ATRNL1: variants seen among roughly 807,000 people sequenced by gnomAD.
ATRNL1 encodes attractin-like protein 1.
A neutral mutation model predicts 182.7 loss-of-function variants in ATRNL1; 95 were observed. The ratio of observed to expected loss-of-function variants is 0.52; its 90% CI spans 0.44 to 0.62. The LOEUF (loss-of-function observed/expected upper bound fraction) is 0.62, where lower values mean the gene tolerates loss of function less well. Among genes scored for constraint, ATRNL1 ranks in the 20% least tolerant of loss-of-function variants. The pLI is 0.00. For missense variants in ATRNL1, 1,471 were observed against 1,679.5 expected, an observed-to-expected ratio of 0.88 and a Z score of 2.17; for synonymous variants, 576 against 568.3, an observed-to-expected ratio of 1.01 and a Z score of -0.19.
At chr10:115,134,757 T>A (rs1845425056) in intron 5 of ATRNL1, among the ~76,000 whole-genome samples, 1 of 152,088 alleles carries the variant, frequency 6.6e-6, no homozygotes, top group South Asian at 2.1e-4. Flanking sequence ...GACCAATATC[T>A]CTGATGAACA....
intron 26 of ATRNL1, among the ~76,000 whole-genome samples, chr10:115,629,318 C>G (rs782047261): frequency 1.7e-4 from 26 of 152,142 alleles, no homozygotes; most frequent in Non-Finnish European, 2.8e-4. Context: ...GATAAATGCT[C>G]AGATTGAGTA....
intron 24 of ATRNL1, among the ~76,000 whole-genome samples, chr10:115,506,952 C>T (rs1019497861): frequency 6.6e-6 from 1 of 152,054 alleles, no homozygotes; most frequent in Non-Finnish European, 1.5e-5. Flanking sequence ...GACACAGCCT[C>T]AGGAAGTTTT....
chr10:115,472,881 A>G (rs1848368974), intron 24 of ATRNL1, among the ~76,000 whole-genome samples: 1 of 151,114 alleles, frequency 6.6e-6, no homozygotes, highest in African/African-American at 2.4e-5. Flanking sequence ...CCTATGTTGA[A>G]TAGAAGTAGT....
At chr10:115,865,839 C>T (rs1338422635) in intron 28 of ATRNL1, among the ~76,000 whole-genome samples, 1 of 152,154 alleles carries the variant, frequency 6.6e-6, no homozygotes, top group African/African-American at 2.4e-5. Context: ...ATCTTATGGA[C>T]ACTTCTGTGC....
intron 18 of ATRNL1, among the ~76,000 whole-genome samples, chr10:115,333,129 TGAGA>T (rs200667422): frequency 0.013 from 1,957 of 152,196 alleles, 34 homozygotes; most frequent in African/African-American, 0.044. Context: ...CCTCATGGAG[TGAGA>T]GAGAGCTCAG....
At chr10:115,108,269 C>G (rs1554866689) in intron 1 of ATRNL1, among the ~76,000 whole-genome samples, 1 of 152,188 alleles carries the variant, frequency 6.6e-6, no homozygotes, top group Admixed American at 6.5e-5. Context: ...CACCAGATAT[C>G]CTAGTGAAGT....
intron 26 of ATRNL1, among the ~76,000 whole-genome samples, chr10:115,672,686 TA>T (rs1164279250): frequency 1.3e-5 from 2 of 152,026 alleles, no homozygotes; most frequent in African/African-American, 4.8e-5. Flanking sequence ...TGCTTATTAC[TA>T]AAAAAAGATT....
In ATRNL1 at chr10:115,326,255, T is replaced by C. The variant is rs951557050; in HGVS notation, c.3038-8027T>C. Among the ~76,000 whole-genome samples the C allele has an allele frequency of 7.2e-5, 11 of 152,248 alleles. No individual in the cohort carries two copies. The East Asian group carries it at 2.1e-3, about 29-fold the overall frequency. ...GCAAAGTCTCAGGATACAAAATCAA[T>C]GTACAAAAATCACAAGCATTCTTAT... On this transcript the variant is annotated intron_variant, in intron 18 of 28. Coordinates refer to ENST00000355044, the MANE Select transcript of ATRNL1 (RefSeq NM_207303.4).
chr10:115,741,052 AACAATTGTCTCC>A (rs1948126009), intron 27 of ATRNL1, among the ~76,000 whole-genome samples: 1 of 152,202 alleles, frequency 6.6e-6, no homozygotes, highest in East Asian at 1.9e-4. Context: ...ATATACTATG[AACAATTGTCTCC>A]ACAAATATTG....
rs1267116509 is a variant in ATRNL1 at position 115,461,375 on chromosome 10, A to G, written c.3323-566A>G. 2.6e-5 allele frequency among the ~76,000 whole-genome samples: 4 copies of G among 152,116 alleles called. No individual in the cohort carries two copies. In the South Asian group the frequency reaches 8.3e-4, roughly 31 times the overall value. ...CCCAGAATTCCTTGTATCATTGTGA[A>G]TAAAGGTCATATCTGTAAAATGATG... On this transcript the variant is annotated intron_variant, in intron 21 of 28. Transcript: ENST00000355044.
chr10:115,614,115 A>G (rs1201023270), intron 26 of ATRNL1, among the ~76,000 whole-genome samples: 1 of 152,028 alleles, frequency 6.6e-6, no homozygotes. Context: ...GTGCATCACT[A>G]CATCATTTAA....
At chr10:115,122,997 C>T (rs782343417) in intron 3 of ATRNL1, among the ~76,000 whole-genome samples, 10 of 152,184 alleles carry the variant, frequency 6.6e-5, no homozygotes, top group Middle Eastern at 3.4e-3. Flanking sequence ...CGTTGACTGA[C>T]CATCATTTAG....
chr10:115,183,369 A>G (rs1205660450), intron 8 of ATRNL1, among the ~76,000 whole-genome samples: 3 of 151,642 alleles, frequency 2.0e-5, no homozygotes, highest in Middle Eastern at 6.8e-3. Flanking sequence ...TATAACTAGG[A>G]GGAGAATAAA....
rs1264749 is a variant in ATRNL1 at position 115,216,613 on chromosome 10, A to G, written c.1532+733A>G. Among the ~76,000 whole-genome samples, 1,226 of 151,706 alleles carry G rather than the reference A, an allele frequency of 8.1e-3. 17 individuals carry two copies. Among genetic ancestry groups the G allele is most frequent in the African/African-American group, 0.028 (1,178 of 41,460 alleles). On this transcript the variant is annotated intron_variant, in intron 9 of 28. Coordinates refer to ENST00000355044, the MANE Select transcript of ATRNL1 (RefSeq NM_207303.4). ...TTATTAATTAATTTTTAATTTATTG[A>G]TTTTTTTGGTTATAGAAGTTTTAAA...
intron 1 of ATRNL1, among the ~76,000 whole-genome samples, chr10:115,107,359 G>T (rs1844057970): frequency 6.6e-6 from 1 of 152,196 alleles, no homozygotes; most frequent in African/African-American, 2.4e-5. Context: ...CCCCAAATAA[G>T]TCCAGAACCC....
chr10:115,096,062 T>C (rs1181222830), intron 1 of ATRNL1, among the ~76,000 whole-genome samples: 1 of 152,150 alleles, frequency 6.6e-6, no homozygotes, highest in Non-Finnish European at 1.5e-5. Flanking sequence ...TTAAATAACA[T>C]TGAGAGGTGG....
At chr10:115,764,105 A>G (rs1048748525) in intron 27 of ATRNL1, among the ~76,000 whole-genome samples, 29 of 152,304 alleles carry the variant, frequency 1.9e-4, no homozygotes, top group African/African-American at 6.5e-4. Flanking sequence ...AGATAATTCC[A>G]TATCAGCAAT....
chr10:115,861,137 G>A (rs782745914), intron 28 of ATRNL1, among the ~76,000 whole-genome samples: 4 of 151,960 alleles, frequency 2.6e-5, no homozygotes, highest in Non-Finnish European at 4.4e-5. Context: ...GCCCCTCTCC[G>A]ATATACACAC....
chr10:115,582,671 A>C (rs1278100250), intron 26 of ATRNL1, among the ~76,000 whole-genome samples: 3 of 148,208 alleles, frequency 2.0e-5, no homozygotes, highest in Non-Finnish European at 4.5e-5. Flanking sequence ...GTAGGTTGTG[A>C]AAATTTTCTC....
Sources: allele counts gnomAD v4.1 joint callset (sites outside exome capture counted in the v4.1 genomes callset), GRCh38; gene constraint gnomAD v4.1.1; transcripts MANE v1.5; gene names NCBI Gene and HGNC (gene_info 2026-07-23, HGNC 2026-07-21).